The following FAM185A variants were observed in gnomAD, a reference collection of about 807,000 sequenced individuals.
FAM185A encodes protein FAM185A.
FAM185A carries 21 observed loss-of-function variants against 45.7 expected under a neutral mutation model. The ratio of observed to expected loss-of-function variants is 0.46; its 90% CI spans 0.33 to 0.66. The LOEUF is 0.66. Among genes scored for constraint, FAM185A ranks in the 30% least tolerant of loss-of-function variants. The pLI, the probability that FAM185A is intolerant of heterozygous loss-of-function variation, is 0.03. For missense variants in FAM185A, 305 were observed against 485.4 expected (o/e 0.63, Z 3.49); for synonymous variants, 117 against 194.0 (o/e 0.60, Z 3.30).
At chr7:102,845,617 C>T in the FAM185A span, among the ~76,000 whole-genome samples, 1 of 152,164 alleles carries the variant, frequency 6.6e-6, no homozygotes, top group Non-Finnish European at 1.5e-5. Flanking sequence ...TCTGAACTAT[C>T]AACAATTTCA....
In FAM185A at chr7:102,749,291, C is replaced by G. The variant is rs1221379432; in HGVS notation, c.84C>G (p.Arg28=). Residue 28 remains arginine (R), a synonymous_variant, in exon 1 of 8, where the codon CGC becomes CGG. Transcript: ENST00000413034. Reference sequence around the variant, plus strand: ...TCCGACTGTGGGCTGGCGCTGGGCGCTGGGCTTGCTGGGCTTGCCAAGCCA... The same window carrying G: ...TCCGACTGTGGGCTGGCGCTGGGCGGTGGGCTTGCTGGGCTTGCCAAGCCA... ...RQVRLWAGAG[R]WACWACQARP... 1 of 1,549,828 alleles carries G rather than the reference C, an allele frequency of 6.5e-7. No individual in the cohort carries two copies. Among genetic ancestry groups the G allele is most frequent in the East Asian group, 2.4e-5 (1 of 40,914 alleles).
At chr7:102,834,473 ATG>A in the FAM185A span, 1 of 141,542 alleles carries the variant, frequency 7.1e-6, no homozygotes, top group African/African-American at 2.6e-5. Context: ...ATATATATAT[ATG>A]TGATGTGGCT....
At position 102,781,049 on chromosome 7, in the gene FAM185A, G is replaced by A. The variant is rs544413101; in HGVS notation, c.931+3701G>A. Among the ~76,000 whole-genome samples, 256 of 152,300 alleles carry A rather than the reference G, an allele frequency of 1.7e-3. 1 individual carries two copies. Among genetic ancestry groups the A allele is most frequent in the African/African-American group, 5.7e-3 (236 of 41,568 alleles). On this transcript the variant is annotated intron_variant, in intron 6 of 7. Coordinates refer to ENST00000413034, the MANE Select transcript of FAM185A (RefSeq NM_001145268.2). ...TGGCTCTGAGGGTCCTATGCCCACG[G>A]AGCCTCGCTCATTGCTAGCACAGCA...
intron 4 of FAM185A, among the ~76,000 whole-genome samples, chr7:102,766,453 G>A (rs976949794): frequency 4.6e-4 from 70 of 152,272 alleles, no homozygotes; most frequent in African/African-American, 1.7e-3. Flanking sequence ...AAATTTTCAA[G>A]AAGTACAATT....
chr7:102,798,970 A>T (rs1320925284), intron 7 of FAM185A, among the ~76,000 whole-genome samples: 1 of 151,532 alleles, frequency 6.6e-6, no homozygotes, highest in East Asian at 1.9e-4. Context: ...CTGGTCTCAA[A>T]CTCCTGACGT....
At chr7:102,790,322 G>A (rs1316345652) in intron 7 of FAM185A, among the ~76,000 whole-genome samples, 1 of 152,134 alleles carries the variant, frequency 6.6e-6, no homozygotes, top group Middle Eastern at 3.2e-3. Context: ...GGTGATAGGA[G>A]TTTTTTACCT....
At chr7:102,840,040 T>C in the FAM185A span, among the ~76,000 whole-genome samples, 1 of 152,042 alleles carries the variant, frequency 6.6e-6, no homozygotes, top group Admixed American at 6.5e-5. Flanking sequence ...ATCCAGAACA[T>C]TTTGTAAAAA....
At chr7:102,773,350 A>G (rs1459836748) in intron 5 of FAM185A, among the ~76,000 whole-genome samples, 1 of 151,954 alleles carries the variant, frequency 6.6e-6, no homozygotes, top group African/African-American at 2.4e-5. Flanking sequence ...GAAGTGATAT[A>G]TAATTTATAT....
chr7:102,779,441 G>A (rs921179268), intron 6 of FAM185A, among the ~76,000 whole-genome samples: 2 of 152,274 alleles, frequency 1.3e-5, no homozygotes, highest in African/African-American at 4.8e-5. Flanking sequence ...ATGCATTTAA[G>A]GACAGAGACA....
chr7:102,758,306 T>G (rs1044088691), intron 3 of FAM185A, among the ~76,000 whole-genome samples: 22 of 152,050 alleles, frequency 1.4e-4, no homozygotes, highest in Admixed American at 5.9e-4. Flanking sequence ...TAGGTTTATT[T>G]GAGTATTTTC....
intron 7 of FAM185A, among the ~76,000 whole-genome samples, chr7:102,801,046 T>C (rs1796759644): frequency 6.6e-6 from 1 of 152,180 alleles, no homozygotes; most frequent in African/African-American, 2.4e-5. Context: ...GCAGAAACCC[T>C]AGAAGCTAGA....
chr7:102,776,726 AAG>A (rs1795095259), intron 5 of FAM185A, among the ~76,000 whole-genome samples: 1 of 151,416 alleles, frequency 6.6e-6, no homozygotes, highest in South Asian at 2.1e-4. Context: ...AAAAGAAAAA[AAG>A]AAATGCGACA....
chr7:102,784,026 C>G (rs542391759), intron 6 of FAM185A, among the ~76,000 whole-genome samples: 58 of 152,198 alleles, frequency 3.8e-4, no homozygotes, highest in Non-Finnish European at 7.2e-4. Context: ...CACAGAAATA[C>G]AAACTACCAT....
intron 3 of FAM185A, among the ~76,000 whole-genome samples, chr7:102,760,329 T>C (rs896610956): frequency 2.0e-5 from 3 of 152,180 alleles, no homozygotes; most frequent in Non-Finnish European, 1.5e-5. Flanking sequence ...ATCTACTTTT[T>C]GTTCTGTCAT....
At chr7:102,820,112 G>A in the FAM185A span, among the ~76,000 whole-genome samples, 1 of 152,230 alleles carries the variant, frequency 6.6e-6, no homozygotes, top group Admixed American at 6.5e-5. Context: ...AGTGAGGACT[G>A]TCTTTCTCCA....
At chr7:102,766,854 G>C (rs11970884) in intron 4 of FAM185A, among the ~76,000 whole-genome samples, 1 of 151,808 alleles carries the variant, frequency 6.6e-6, no homozygotes, top group Admixed American at 6.6e-5. Flanking sequence ...TGAGTGTGAT[G>C]GCTTGATCTC....
At chr7:102,777,197 G>A (rs1795122233) in intron 5 of FAM185A, 56 bp from the exon 6 acceptor site, 5 of 1,542,748 alleles carry the variant, frequency 3.2e-6, no homozygotes, top group Admixed American at 2.0e-5. Context: ...TTTTAAGTTT[G>A]TAATTCCATT....
chr7:102,775,182 T>C (rs1329117654), intron 5 of FAM185A, among the ~76,000 whole-genome samples: 1 of 152,216 alleles, frequency 6.6e-6, no homozygotes, highest in Non-Finnish European at 1.5e-5. Flanking sequence ...TTTATGTGTA[T>C]GATGAAAATG....
the FAM185A span, among the ~76,000 whole-genome samples, chr7:102,835,924 C>A: frequency 6.6e-6 from 1 of 152,114 alleles, no homozygotes; most frequent in Admixed American, 6.6e-5. Flanking sequence ...ATTGTTTTTC[C>A]CTTGTTAGAG....
Sources: allele counts gnomAD v4.1 joint callset (sites outside exome capture counted in the v4.1 genomes callset), GRCh38; gene constraint gnomAD v4.1.1; transcripts MANE v1.5; gene names NCBI Gene and HGNC (gene_info 2026-07-23, HGNC 2026-07-21).